Variants in FANK1 observed in about 807,000 individuals in gnomAD.
FANK1 encodes the protein fibronectin type 3 and ankyrin repeat domains protein 1.
Under a neutral mutation model 45.3 loss-of-function variants are expected in FANK1, and 44 were observed. The ratio of observed to expected loss-of-function variants is 0.97; its 90% CI spans 0.76 to 1.25. The LOEUF is 1.25. Ranked by LOEUF, FANK1 falls within the 50% of genes most tolerant of loss-of-function variation. The pLI is 0.00. For missense variants in FANK1, 391 were observed against 424.4 expected (o/e 0.92, Z 0.69); for synonymous variants, 149 against 152.5 (o/e 0.98, Z 0.17).
intron 1 of FANK1, among the ~76,000 whole-genome samples, chr10:125,965,793 A>G (rs1335761451): frequency 6.6e-6 from 1 of 152,246 alleles, no homozygotes; most frequent in Non-Finnish European, 1.5e-5. Context: ...TATCTTGGGA[A>G]GTACATTTCC....
At chr10:125,933,370 A>AT (rs1947875271) in intron 1 of FANK1, among the ~76,000 whole-genome samples, 1 of 151,446 alleles carries the variant, frequency 6.6e-6, no homozygotes, top group South Asian at 2.1e-4. Context: ...GGAGGGTTGT[A>AT]TTTTTTCCAG....
intron 6 of FANK1, among the ~76,000 whole-genome samples, chr10:125,999,228 C>T (rs138232817): frequency 2.8e-3 from 373 of 131,766 alleles, no homozygotes; most frequent in African/African-American, 0.01. Context: ...GAGACGGAAT[C>T]TCACTCTGTC....
chr10:125,927,359 G>A (rs926890081), intron 1 of FANK1, among the ~76,000 whole-genome samples: 3 of 152,118 alleles, frequency 2.0e-5, no homozygotes, highest in African/African-American at 4.8e-5. Flanking sequence ...TTATAAATGC[G>A]ATCTTTTCTT....
chr10:125,997,555 G>A (rs1952435606), intron 6 of FANK1, 70 bp downstream of exon 6: 1 of 1,451,214 alleles, frequency 6.9e-7, no homozygotes, highest in Non-Finnish European at 9.5e-7. Context: ...TGTGCCCAGA[G>A]GGGTTGTGAT....
At chr10:126,004,178 A>G (rs1035443077) in intron 6 of FANK1, 1 of 143,426 alleles carries the variant, frequency 7.0e-6, no homozygotes, top group Non-Finnish European at 1.6e-5. Context: ...AAAAAAAAAA[A>G]AAGAAAATAT....
At chr10:125,927,421 C>T (rs1277798123) in intron 1 of FANK1, among the ~76,000 whole-genome samples, 1 of 152,214 alleles carries the variant, frequency 6.6e-6, no homozygotes, top group African/African-American at 2.4e-5. Context: ...TGGTGTTGCA[C>T]ATGGCCGTGG....
intron 1 of FANK1, among the ~76,000 whole-genome samples, chr10:125,951,306 C>A (rs1488409893): frequency 6.6e-6 from 1 of 151,128 alleles, no homozygotes; most frequent in African/African-American, 2.4e-5. Context: ...GATCTTATAA[C>A]TATTTGCTCA....
At chr10:125,972,505 T>C (rs1950580250) in intron 1 of FANK1, among the ~76,000 whole-genome samples, 1 of 152,200 alleles carries the variant, frequency 6.6e-6, no homozygotes, top group African/African-American at 2.4e-5. Context: ...TAGGTTGGCT[T>C]AGAAACAAAG....
chr10:126,007,813 T>C (rs1180203429), intron 7 of FANK1, among the ~76,000 whole-genome samples: 1 of 152,238 alleles, frequency 6.6e-6, no homozygotes, highest in East Asian at 1.9e-4. Context: ...TTTCTTAATC[T>C]AAAATATTTA....
At chr10:125,980,361 T>C (rs1951122928) in intron 2 of FANK1, 23 bp downstream of exon 2, 5 of 1,594,932 alleles carry the variant, frequency 3.1e-6, no homozygotes, top group African/African-American at 1.4e-5. Context: ...TTGAATTGCT[T>C]GCCACTTTGC....
At position 125,923,613 on chromosome 10, in the gene FANK1, C is replaced by T. The variant is rs899605396; in HGVS notation, c.13+26958C>T. On this transcript the variant is annotated intron_variant, in intron 1 of 10. Transcript: ENST00000368693. ...TACAATCATGGCTCACTGCAGCCTCCGCCTCCCAGGCTCAAGCCACCCTCT... is the reference window on the plus strand; with the variant it reads ...TACAATCATGGCTCACTGCAGCCTCTGCCTCCCAGGCTCAAGCCACCCTCT... Among the ~76,000 whole-genome samples the T allele has an allele frequency of 2.0e-5, 3 of 151,968 alleles. 1 individual carries two copies. Among genetic ancestry groups the T allele is most frequent in the Non-Finnish European group, 2.9e-5 (2 of 67,974 alleles).
In FANK1 at chr10:125,997,427, A is replaced by G. The variant is rs188419621; in HGVS notation, c.481A>G (p.Lys161Glu). The change falls in exon 6 of 11, where the codon AAA becomes GAA. Residue 161 changes from lysine (K) to glutamate (E), a missense_variant. Coordinates refer to ENST00000368693, the MANE Select transcript of FANK1 (RefSeq NM_145235.5). ...AAQKGYTRLV[K>E]ILVSNGTDVN... ...TAAGTTTGTTTCCTTTAGGCTTGTG[A>G]AAATCCTAGTTTCTAATGGCACAGA... The G allele has an allele frequency of 1.9e-6, 3 of 1,613,866 alleles. No individual in the cohort carries two copies. In the East Asian group the frequency reaches 6.7e-5, roughly 36 times the overall value.
chr10:125,988,879 G>T (rs1158974822), intron 3 of FANK1: 11 of 788,788 alleles, frequency 1.4e-5, no homozygotes, highest in Admixed American at 6.4e-5. Context: ...CAAACTGGGA[G>T]AGCTATTTTT....
intron 1 of FANK1, among the ~76,000 whole-genome samples, chr10:125,941,348 CAG>C (rs1491140887): frequency 1.3e-5 from 2 of 152,120 alleles, no homozygotes; most frequent in African/African-American, 4.8e-5. Context: ...GTTTGGAAAA[CAG>C]GGAAATAAGA....
chr10:125,988,876 G>T, intron 3 of FANK1: 1 of 795,398 alleles, frequency 1.3e-6, no homozygotes, highest in Non-Finnish European at 2.0e-6. Context: ...TCACAAACTG[G>T]GAGAGCTATT....
chr10:125,969,820 T>C (rs1431864107), intron 1 of FANK1, among the ~76,000 whole-genome samples: 3 of 152,114 alleles, frequency 2.0e-5, no homozygotes, highest in Admixed American at 6.5e-5. Context: ...TAGGTATTGG[T>C]GATGACTCTT....
At chr10:125,966,622 T>C (rs1950214499) in intron 1 of FANK1, among the ~76,000 whole-genome samples, 1 of 152,202 alleles carries the variant, frequency 6.6e-6, no homozygotes, top group African/African-American at 2.4e-5. Flanking sequence ...TCAAGCAGGA[T>C]ATCTGCTTGA....
intron 1 of FANK1, among the ~76,000 whole-genome samples, chr10:125,923,306 T>A (rs1161812455): frequency 6.8e-6 from 1 of 146,542 alleles, no homozygotes; most frequent in Admixed American, 6.8e-5. Context: ...AAAAAAAAAA[T>A]AAAAATTAGC....
chr10:126,004,681 C>G, intron 6 of FANK1: 1 of 545,200 alleles, frequency 1.8e-6, no homozygotes, highest in Non-Finnish European at 3.3e-6. Context: ...ATGTTTGTAG[C>G]ACTTCATTTC....
Sources: gnomAD v4.1 joint callset for allele counts (sites outside exome capture counted in the v4.1 genomes callset) on GRCh38, gnomAD v4.1.1 for gene constraint, MANE v1.5 for transcripts, NCBI Gene and HGNC (gene_info 2026-07-23, HGNC 2026-07-21) for gene names.